DLGAP1: variants seen among roughly 807,000 people sequenced by gnomAD.
The protein encoded by DLGAP1 is disks large-associated protein 1.
DLGAP1 carries 11 observed loss-of-function variants against 90.8 expected under a neutral mutation model. The observed-to-expected ratio is 0.12, with a 90% confidence interval of 0.08 to 0.20. The LOEUF (loss-of-function observed/expected upper bound fraction) is 0.20. DLGAP1 is among the 10% of genes least tolerant of loss of function. DLGAP1 has a pLI of 1.00. For synonymous variants in DLGAP1, 558 were observed against 540.7 expected, an observed-to-expected ratio of 1.03 and a Z score of -0.44; for missense variants, 1,050 against 1,333.8, an observed-to-expected ratio of 0.79 and a Z score of 3.31.
chr18:3,858,977 TTATAAG>T (rs1398654376), intron 4 of DLGAP1, among the ~76,000 whole-genome samples: 1 of 152,180 alleles, frequency 6.6e-6, no homozygotes, highest in African/African-American at 2.4e-5. Context: ...ATACATGAGG[TTATAAG>T]TATATTTTAA....
chr18:4,006,223 A>G (rs562904831), intron 2 of DLGAP1, among the ~76,000 whole-genome samples: 1 of 152,300 alleles, frequency 6.6e-6, no homozygotes, highest in African/African-American at 2.4e-5. Flanking sequence ...AATAGCAACT[A>G]TGGGAGACTA....
chr18:4,362,018 C>T (rs947923021), intron 1 of DLGAP1, among the ~76,000 whole-genome samples: 1 of 152,046 alleles, frequency 6.6e-6, no homozygotes, highest in African/African-American at 2.4e-5. Context: ...AAATGAAAAT[C>T]AAAATTAGAG....
At chr18:3,560,589 CA>C (rs59239504) in intron 9 of DLGAP1, among the ~76,000 whole-genome samples, 18,866 of 69,786 alleles carry the variant, frequency 0.27, 1,046 homozygotes, top group Admixed American at 0.36. Context: ...GACTCAGTCT[CA>C]AAAAAAAAAA....
intron 1 of DLGAP1, among the ~76,000 whole-genome samples, chr18:4,198,205 A>G (rs755279438): frequency 3.9e-5 from 6 of 152,214 alleles, no homozygotes; most frequent in Non-Finnish European, 7.3e-5. Context: ...TGGGCGACAG[A>G]GTGAGACTCT....
chr18:4,000,238 C>CCCT (rs397826861), intron 3 of DLGAP1, among the ~76,000 whole-genome samples: 1 of 512 alleles, frequency 2.0e-3, no homozygotes, highest in African/African-American at 6.3e-3. Context: ...TTACTTTTCT[C>CCCT]ATCCTACTAT....
chr18:4,280,563 T>A (rs887401107), intron 1 of DLGAP1, among the ~76,000 whole-genome samples: 1 of 152,208 alleles, frequency 6.6e-6, no homozygotes, highest in Non-Finnish European at 1.5e-5. Flanking sequence ...TTCCCACAGT[T>A]CCACACTGTC....
At chr18:3,873,719 T>G (rs1006405049) in intron 4 of DLGAP1, among the ~76,000 whole-genome samples, 4 of 152,180 alleles carry the variant, frequency 2.6e-5, no homozygotes, top group African/African-American at 9.7e-5. Context: ...TATGAATGCT[T>G]CCTCAGTGAT....
intron 3 of DLGAP1, among the ~76,000 whole-genome samples, chr18:3,978,884 G>A (rs145789712): frequency 1.1e-3 from 164 of 152,260 alleles, no homozygotes; most frequent in African/African-American, 3.7e-3. Flanking sequence ...GTATTAGTGA[G>A]GTTTTAGAGG....
chr18:3,948,517 C>T (rs1023316362), intron 3 of DLGAP1, among the ~76,000 whole-genome samples: 13 of 152,148 alleles, frequency 8.5e-5, no homozygotes, highest in African/African-American at 4.8e-5. Context: ...AGCGTGTTGT[C>T]TTGTACAGGG....
At chr18:3,566,874 C>T (rs1286227840) in intron 9 of DLGAP1, among the ~76,000 whole-genome samples, 1 of 151,964 alleles carries the variant, frequency 6.6e-6, no homozygotes, top group East Asian at 1.9e-4. Context: ...GAGAAATTCA[C>T]ATGCCTCTCT....
rs144473990 is a variant in DLGAP1 at position 4,203,018 on chromosome 18, G to A, written c.-266-51731C>T. Reference sequence around the variant, plus strand: ...TGGCCAGGTGCCATGGCTCATGCCTGTAATCCTAGCACTTTGGGAGGCAGA... The same window carrying A: ...TGGCCAGGTGCCATGGCTCATGCCTATAATCCTAGCACTTTGGGAGGCAGA... On this transcript the variant is annotated intron_variant, in intron 1 of 12. Transcript: ENST00000315677. 1.0e-3 allele frequency among the ~76,000 whole-genome samples: 159 copies of A among 152,244 alleles called. 1 individual carries two copies. Among genetic ancestry groups the A allele is most frequent in the Middle Eastern group, 3.4e-3 (1 of 294 alleles).
intron 7 of DLGAP1, among the ~76,000 whole-genome samples, chr18:3,602,220 C>T (rs2057078907): frequency 6.6e-6 from 1 of 152,142 alleles, no homozygotes; most frequent in Admixed American, 6.6e-5. Context: ...GAAACCATTT[C>T]CCAAAATGCA....
intron 2 of DLGAP1, among the ~76,000 whole-genome samples, chr18:4,068,156 C>T (rs2075397110): frequency 6.6e-6 from 1 of 151,814 alleles, no homozygotes; most frequent in South Asian, 2.1e-4. Context: ...ATACTATATA[C>T]ACACTAATCT....
rs1288327733 is a variant in DLGAP1 at position 3,497,274 on chromosome 18, G to A, written c.*1911C>T. 6.6e-6 allele frequency: 1 copy of A among 151,900 alleles called. No individual in the cohort carries two copies. 9.4% of individuals were successfully genotyped at this position (151,900 alleles called of 1,614,324 possible). The stretch of plus-strand genomic sequence containing the variant: ...TTCTTTTTAAAACTAGCAAATACTT[G>A]AAGCTCAAAATCTCTGTATGCTCCA... On this transcript the variant is annotated 3_prime_UTR_variant, in exon 13 of 13. Coordinates refer to ENST00000315677, the MANE Select transcript of DLGAP1 (RefSeq NM_004746.4).
chr18:3,844,941 A>G, intron 4 of DLGAP1, among the ~76,000 whole-genome samples: 1 of 152,198 alleles, frequency 6.6e-6, no homozygotes, highest in East Asian at 1.9e-4. Context: ...CTGCTGTTTA[A>G]CTAAATTCAC....
intron 3 of DLGAP1, among the ~76,000 whole-genome samples, chr18:3,913,784 C>T (rs921825099): frequency 1.3e-4 from 20 of 152,170 alleles, no homozygotes; most frequent in African/African-American, 1.9e-4. Flanking sequence ...TAATCTACTA[C>T]GGCATGTCTT....
chr18:4,051,800 G>A (rs1289514696), intron 2 of DLGAP1, among the ~76,000 whole-genome samples: 2 of 152,088 alleles, frequency 1.3e-5, no homozygotes, highest in Non-Finnish European at 2.9e-5. Flanking sequence ...AAAATCAAAA[G>A]CAAGTTAGTT....
At chr18:4,430,866 C>T (rs2083273460) in intron 1 of DLGAP1, 1 of 152,526 alleles carries the variant, frequency 6.6e-6, no homozygotes, top group Admixed American at 6.5e-5. Flanking sequence ...TTGTGATTGG[C>T]TCATTAATAA....
intron 2 of DLGAP1, among the ~76,000 whole-genome samples, chr18:4,017,822 C>T (rs1340353139): frequency 6.6e-6 from 1 of 152,028 alleles, no homozygotes; most frequent in African/African-American, 2.4e-5. Flanking sequence ...AAACAATCTA[C>T]CAGTAAGTCT....
Sources: gnomAD v4.1 joint callset for allele counts (sites outside exome capture counted in the v4.1 genomes callset) on GRCh38, gnomAD v4.1.1 for gene constraint, MANE v1.5 for transcripts, NCBI Gene and HGNC (gene_info 2026-07-23, HGNC 2026-07-21) for gene names.